Variants in DNMBP observed in about 807,000 individuals in gnomAD.
DNMBP encodes dynamin-binding protein.
In DNMBP, 87 loss-of-function variants were observed where a neutral mutation model predicts 150.0. The observed-to-expected ratio is 0.58, with a 90% CI of 0.49 to 0.69. DNMBP has a LOEUF of 0.69. Among genes scored for constraint, DNMBP ranks in the 30% least tolerant of loss-of-function variants. The pLI, the probability that DNMBP is intolerant of heterozygous loss-of-function variation, is 0.00. For synonymous variants in DNMBP, 711 were observed against 750.4 expected (o/e 0.95, Z 0.86); for missense variants, 1,774 against 1,949.0 (o/e 0.91, Z 1.69).
At chr10:100,006,411 T>C (rs1241808376) in intron 1 of DNMBP, among the ~76,000 whole-genome samples, 3 of 152,196 alleles carry the variant, frequency 2.0e-5, no homozygotes, top group East Asian at 1.9e-4. Flanking sequence ...CCAGTTATTT[T>C]ACAGATGAGG....
chr10:99,888,807 G>A lies in DNMBP; in HGVS notation c.3285+18C>T. The A allele has an allele frequency of 6.2e-7, 1 of 1,613,760 alleles. No individual in the cohort carries two copies. Among genetic ancestry groups the A allele is most frequent in the Non-Finnish European group, 8.5e-7 (1 of 1,179,816 alleles). Reference sequence around the variant, plus strand: ...GACCCTGGGAAGGGGGCCAACTTTTGAAGAAAAAGTTACTTACAAAGTTTG... The same window carrying A: ...GACCCTGGGAAGGGGGCCAACTTTTAAAGAAAAAGTTACTTACAAAGTTTG... On this transcript the variant is annotated intron_variant, in intron 12 of 16. Transcript: ENST00000324109.
chr10:99,887,093 AT>A lies in DNMBP; in HGVS notation c.3286-462del, dbSNP rs77430741. ...CTTTAATCATAACTAGGTAATACCC[AT>A]TTTTTTTTTTTTGAGACGGAGTCTT... On this transcript the variant is annotated intron_variant, in intron 12 of 16. Coordinates refer to ENST00000324109, the MANE Select transcript of DNMBP (RefSeq NM_015221.4). Among the ~76,000 whole-genome samples, 253 of 145,110 alleles carry A rather than the reference AT, an allele frequency of 1.7e-3. 2 individuals carry two copies. Among genetic ancestry groups the A allele is most frequent in the African/African-American group, 3.9e-3 (154 of 39,812 alleles).
rs2040505005 is a variant in DNMBP at position 99,956,950 on chromosome 10, A to G, written c.524T>C (p.Ile175Thr). Residue 175 changes from isoleucine (I) to threonine (T), a missense_variant, in exon 4 of 17, where the codon ATT becomes ACT. By Grantham distance (89) the Ile-to-Thr change is moderately conservative (BLOSUM62 -1). Around this residue, in one of 2 missense-constraint regions of DNMBP, gnomAD observed 344 missense variants for 456.6 expected, o/e 0.75. Transcript: ENST00000324109. ...AAACCAGCCTGGTTCAGGAACTCCA[A>G]TAATGGTGATCACATCCCCTTCCCT... is the stretch of plus-strand genomic sequence containing the variant. Reference protein sequence around the residue: ...DFREGDVITIIGVPEPGWFEG... With the variant: ...DFREGDVITITGVPEPGWFEG... 2.5e-6 allele frequency: 4 copies of G among 1,614,098 alleles called. No individual in the cohort carries two copies. Among genetic ancestry groups the G allele is most frequent in the South Asian group, 2.2e-5 (2 of 91,090 alleles).
At position 99,886,259 on chromosome 10, in the gene DNMBP, G is replaced by A. The variant is rs781608037; in HGVS notation, c.3618+41C>T. The stretch of plus-strand genomic sequence containing the variant: ...TTTTCCCAGAAAAATACCAGGCAAA[G>A]GCTATAGATGACCATCCCACTGAAC... On this transcript the variant is annotated intron_variant, in intron 13 of 16. Transcript: ENST00000324109. 1.4e-5 allele frequency: 21 copies of A among 1,522,132 alleles called. No individual in the cohort carries two copies. The South Asian group carries it at 2.5e-4, about 18-fold the overall frequency. 94.3% of individuals were successfully genotyped at this position (1,522,132 alleles called of 1,614,324 possible). A position where few individuals can be genotyped will look rare whatever the true frequency, so the allele number is the denominator to read the frequency against.
chr10:99,962,788 C>A (rs1486063856), intron 3 of DNMBP, among the ~76,000 whole-genome samples: 1 of 152,192 alleles, frequency 6.6e-6, no homozygotes, highest in Non-Finnish European at 1.5e-5. Flanking sequence ...CCATAACTCC[C>A]ACTCTGCTGG....
At chr10:99,994,884 AT>A (rs2040935027) in intron 1 of DNMBP, among the ~76,000 whole-genome samples, 1 of 151,860 alleles carries the variant, frequency 6.6e-6, no homozygotes, top group Non-Finnish European at 1.5e-5. Context: ...CCTTTGTCCT[AT>A]TTTCCACACC....
intron 1 of DNMBP, among the ~76,000 whole-genome samples, chr10:99,984,186 G>C (rs947273117): frequency 6.6e-6 from 1 of 152,104 alleles, no homozygotes; most frequent in African/African-American, 2.4e-5. Context: ...CACTGGTGGA[G>C]GGAGGTCCCA....
intron 4 of DNMBP, among the ~76,000 whole-genome samples, chr10:99,913,510 T>A (rs2039926360): frequency 6.6e-6 from 1 of 152,172 alleles, no homozygotes; most frequent in Non-Finnish European, 1.5e-5. Flanking sequence ...CAATAAAATG[T>A]GCAGACGAGC....
At chr10:99,907,913 A>G in intron 6 of DNMBP, 82 bp downstream of exon 6, 1 of 945,378 alleles carries the variant, frequency 1.1e-6, no homozygotes, top group Non-Finnish European at 1.7e-6. Context: ...AGGCATAGTT[A>G]CTCAGTATCA....
At chr10:99,986,618 A>C (rs1161571518) in intron 1 of DNMBP, among the ~76,000 whole-genome samples, 3 of 148,046 alleles carry the variant, frequency 2.0e-5, no homozygotes, top group South Asian at 2.1e-4. Context: ...AAAAAAAAAA[A>C]AAAAAAACCT....
chr10:99,903,188 G>A (rs1050660987), intron 6 of DNMBP, among the ~76,000 whole-genome samples: 6 of 144,838 alleles, frequency 4.1e-5, no homozygotes, highest in Non-Finnish European at 9.0e-5. Context: ...CAATCCTCCC[G>A]CCTTGGCCTC....
chr10:99,903,932 T>TTTC (rs2039783744), intron 6 of DNMBP, among the ~76,000 whole-genome samples: 1 of 152,034 alleles, frequency 6.6e-6, no homozygotes, highest in Non-Finnish European at 1.5e-5. Context: ...TTTTTTTTTT[T>TTTC]TTTCTGTAGA....
intron 4 of DNMBP, chr10:99,930,099 G>A (rs764536732): frequency 2.3e-5 from 16 of 702,660 alleles, no homozygotes; most frequent in Admixed American, 4.0e-5. Flanking sequence ...GACACCATTC[G>A]AATCTGAAAA....
intron 4 of DNMBP, among the ~76,000 whole-genome samples, chr10:99,945,865 CAGA>C (rs2040351018): frequency 6.6e-6 from 1 of 152,148 alleles, no homozygotes; most frequent in South Asian, 2.1e-4. Flanking sequence ...AAGCCAAAAT[CAGA>C]AGAAGCAGAA....
chr10:99,890,756 C>T (rs1414371459), intron 11 of DNMBP, among the ~76,000 whole-genome samples: 1 of 152,218 alleles, frequency 6.6e-6, no homozygotes, highest in Non-Finnish European at 1.5e-5. Context: ...AAGCAATTCT[C>T]CTGCCTCAGC....
chr10:99,898,833 C>T (rs1183741129), intron 7 of DNMBP, 73 bp from the exon 8 acceptor site: 4 of 1,380,064 alleles, frequency 2.9e-6, no homozygotes, highest in African/African-American at 1.4e-5. Flanking sequence ...ACATTTTTCT[C>T]AGAACATAAA....
At chr10:99,892,286 G>C (rs1301083551) in intron 11 of DNMBP, among the ~76,000 whole-genome samples, 4 of 149,102 alleles carry the variant, frequency 2.7e-5, no homozygotes, top group African/African-American at 1.0e-4. Flanking sequence ...AACGGGCCAG[G>C]ATGACAATGG....
rs1193199252 is a variant in DNMBP, at chr10:99,886,390, C to T, written c.3528G>A (p.Gln1176=). ...CGTGGACACAGTTGGTGAAGAGGCC[C>T]TGGGCGTACTGGTGGAACTTGGGCA... ...DELPKFHQYA[Q]GLFTNCVHGY... is the part of the protein sequence containing the mutation. Residue 1176 remains glutamine (Q), a synonymous_variant, in exon 13 of 17, where the codon CAG becomes CAA. Coordinates refer to ENST00000324109, the MANE Select transcript of DNMBP (RefSeq NM_015221.4). 1.9e-6 allele frequency: 3 copies of T among 1,614,050 alleles called. No homozygotes were observed. Among genetic ancestry groups the T allele is most frequent in the Admixed American group, 3.3e-5 (2 of 59,994 alleles).
intron 3 of DNMBP, among the ~76,000 whole-genome samples, chr10:99,959,421 G>GGCT (rs1293872745): frequency 6.6e-6 from 1 of 152,090 alleles, no homozygotes; most frequent in Non-Finnish European, 1.5e-5. Context: ...GGGAAGTCAA[G>GGCT]GCTGCAGTGA....
Sources: gnomAD v4.1 joint callset for allele counts (sites outside exome capture counted in the v4.1 genomes callset) on GRCh38, gnomAD v4.1.1 for gene constraint, gnomAD v4.1.1 regional missense constraint, MANE v1.5 for transcripts, NCBI Gene and HGNC (gene_info 2026-07-23, HGNC 2026-07-21) for gene names.